The following SLC27A6 variants were observed in gnomAD, a reference collection of about 807,000 sequenced individuals.
SLC27A6 encodes solute carrier family 27 member 6, also known as long-chain fatty acid transport protein 6.
In SLC27A6, 74 loss-of-function variants were observed where a neutral mutation model predicts 63.9. That is an observed-to-expected ratio of 1.16 (90% confidence interval 0.96 to 1.40). The LOEUF (loss-of-function observed/expected upper bound fraction) is 1.40. Ranked by LOEUF, SLC27A6 falls within the 40% of genes most tolerant of loss-of-function variation. The probability of loss-of-function intolerance (pLI) is 0.00; values close to 1 mark genes in which losing one functional copy is unlikely to be tolerated. For synonymous variants in SLC27A6, 287 were observed against 260.8 expected, an observed-to-expected ratio of 1.10 and a Z score of -0.97; for missense variants, 794 against 732.9, an observed-to-expected ratio of 1.08 and a Z score of -0.96.
At chr5:128,985,630 T>C (rs952321304) in intron 2 of SLC27A6, among the ~76,000 whole-genome samples, 1 of 152,230 alleles carries the variant, frequency 6.6e-6, no homozygotes, top group African/African-American at 2.4e-5. Flanking sequence ...CCAGTCTCAT[T>C]GCTCAGTGTA....
rs114016893 is a variant in SLC27A6 at position 128,967,162 on chromosome 5, C to G, written c.481+544C>G. ...CCAGAACGTGGGCTCTTGGCAGACT[C>G]TAGGAGCCTTTCTGTTTCTTCTTCT... On this transcript the variant is annotated intron_variant, in intron 1 of 9. Coordinates refer to ENST00000262462, the MANE Select transcript of SLC27A6 (RefSeq NM_001017372.3). Among the ~76,000 whole-genome samples, 1,397 of 149,390 alleles carry G rather than the reference C, an allele frequency of 9.4e-3. 14 individuals carry two copies. The highest frequency in any genetic ancestry group is 0.032 in the African/African-American group (1,295 of 41,110).
chr5:129,015,860 C>A (rs780247639), intron 4 of SLC27A6, 25 bp from the exon 5 acceptor site: 11 of 1,502,610 alleles, frequency 7.3e-6, no homozygotes, highest in African/African-American at 1.4e-5. Flanking sequence ...GAACTAATTA[C>A]AAGTAAAACA....
intron 1 of SLC27A6, among the ~76,000 whole-genome samples, chr5:128,984,476 C>G (rs928602820): frequency 5.3e-5 from 8 of 152,202 alleles, no homozygotes; most frequent in African/African-American, 1.9e-4. Context: ...CTTTGTTATC[C>G]TTGTAGCAGA....
At chr5:128,997,637 G>A (rs1751202097) in intron 4 of SLC27A6, among the ~76,000 whole-genome samples, 1 of 152,174 alleles carries the variant, frequency 6.6e-6, no homozygotes, top group Non-Finnish European at 1.5e-5. Context: ...ATAGGTAGCA[G>A]TGCATGTAAA....
intron 6 of SLC27A6, among the ~76,000 whole-genome samples, chr5:129,025,721 T>TATGATG (rs562276860): frequency 2.0e-5 from 3 of 151,834 alleles, no homozygotes; most frequent in Admixed American, 6.6e-5. Flanking sequence ...ATGGTGATGA[T>TATGATG]ATGATGATGA....
At chr5:128,993,352 C>G (rs2150138083) in intron 4 of SLC27A6, among the ~76,000 whole-genome samples, 1 of 152,314 alleles carries the variant, frequency 6.6e-6, no homozygotes, top group East Asian at 1.9e-4. Flanking sequence ...AACCCAATTT[C>G]CTGAGCTCCT....
intron 1 of SLC27A6, among the ~76,000 whole-genome samples, chr5:128,973,798 A>G (rs915802674): frequency 2.6e-5 from 4 of 152,194 alleles, no homozygotes; most frequent in Non-Finnish European, 4.4e-5. Context: ...GCAAGTCCAA[A>G]TGAGATGAAT....
chr5:128,967,697 C>G (rs1460339460), intron 1 of SLC27A6, among the ~76,000 whole-genome samples: 9 of 152,086 alleles, frequency 5.9e-5, no homozygotes, highest in African/African-American at 2.2e-4. Flanking sequence ...ATCACTGTTC[C>G]TAGTTCTTTT....
chr5:129,025,590 G>T (rs1376650440), intron 6 of SLC27A6, among the ~76,000 whole-genome samples: 1 of 151,958 alleles, frequency 6.6e-6, no homozygotes, highest in Non-Finnish European at 1.5e-5. Flanking sequence ...GAATTAAATG[G>T]ATTACATATG....
intron 4 of SLC27A6, among the ~76,000 whole-genome samples, chr5:129,012,637 T>A (rs1751762233): frequency 6.6e-6 from 1 of 152,094 alleles, no homozygotes; most frequent in Non-Finnish European, 1.5e-5. Context: ...TAAATAGAAA[T>A]TTAAGGTTGC....
intron 4 of SLC27A6, among the ~76,000 whole-genome samples, chr5:129,004,435 T>C (rs1293282884): frequency 1.3e-5 from 2 of 152,182 alleles, no homozygotes; most frequent in African/African-American, 4.8e-5. Flanking sequence ...CTCTCTGTCT[T>C]TCCTGCTTTT....
Position 128,965,844 on chromosome 5 carries a change from C to G in SLC27A6, c.-294C>G. ...CGCTGGGGTTGTAGATTCCAAGACC[C>G]CTGAGGGTGGCTGTGTTGGTTTCTC... On this transcript the variant is annotated 5_prime_UTR_variant, in exon 1 of 10. Coordinates refer to ENST00000262462, the MANE Select transcript of SLC27A6 (RefSeq NM_001017372.3). 3.3e-6 allele frequency: 1 copy of G among 304,956 alleles called. No homozygotes were observed. Among genetic ancestry groups the G allele is most frequent in the Non-Finnish European group, 6.1e-6 (1 of 164,140 alleles). The allele number at this position is 304,956 out of a possible 1,614,324, so 18.9% of individuals were successfully genotyped here.
chr5:129,016,264 C>T (rs1241153157), intron 5 of SLC27A6, among the ~76,000 whole-genome samples, 185 bp downstream of exon 5: 1 of 151,738 alleles, frequency 6.6e-6, no homozygotes, highest in African/African-American at 2.4e-5. Context: ...GGTGTAGTGG[C>T]GGACACCTGT....
At chr5:128,975,418 T>C (rs189528400) in intron 1 of SLC27A6, among the ~76,000 whole-genome samples, 3 of 152,226 alleles carry the variant, frequency 2.0e-5, no homozygotes, top group Admixed American at 2.0e-4. Flanking sequence ...CATCATAGAG[T>C]GTACCTACAC....
chr5:128,997,407 T>C (rs564166147), intron 4 of SLC27A6, among the ~76,000 whole-genome samples: 1 of 152,282 alleles, frequency 6.6e-6, no homozygotes, highest in South Asian at 2.1e-4. Flanking sequence ...ATAATAGATA[T>C]AAAAGCATTT....
In SLC27A6 at chr5:128,988,707, CTG is replaced by C. The variant is rs768776487; in HGVS notation, c.795_796del (p.Tyr266SerfsTer2). The C allele has an allele frequency of 1.9e-6, 3 of 1,613,814 alleles. No homozygotes were observed. The highest frequency in any genetic ancestry group is 4.5e-5 in the East Asian group (2 of 44,864). On this transcript the variant is annotated frameshift_variant, in exon 3 of 10. Transcript: ENST00000262462. LOFTEE classifies it high-confidence loss of function. ...AHDIVYITLP[L>X]YHSSAAILGI... is the part of the protein sequence containing the mutation. ...TGACATTGTTTATATAACCCTTCCT[CTG>C]TATCATAGTTCAGCAGCTATCCTGG...
intron 4 of SLC27A6, among the ~76,000 whole-genome samples, chr5:129,004,949 A>G (rs1203558960): frequency 6.6e-6 from 1 of 152,138 alleles, no homozygotes; most frequent in Non-Finnish European, 1.5e-5. Context: ...ACTACAATCT[A>G]GGTTCTCATC....
chr5:128,991,597 A>G (rs1357509736), intron 4 of SLC27A6, among the ~76,000 whole-genome samples: 1 of 152,206 alleles, frequency 6.6e-6, no homozygotes, highest in Non-Finnish European at 1.5e-5. Context: ...GGTTAAAATA[A>G]TCTTTTAAAA....
At chr5:128,990,925 G>A (rs1354615748) in intron 4 of SLC27A6, among the ~76,000 whole-genome samples, 1 of 152,252 alleles carries the variant, frequency 6.6e-6, no homozygotes, top group African/African-American at 2.4e-5. Context: ...GTGGAAGTCA[G>A]CAGCGGGTCT....
Sources: gnomAD v4.1 joint callset for allele counts (sites outside exome capture counted in the v4.1 genomes callset) on GRCh38, gnomAD v4.1.1 for gene constraint, MANE v1.5 for transcripts, NCBI Gene and HGNC (gene_info 2026-07-23, HGNC 2026-07-21) for gene names.